Variants in TENM3 observed in about 807,000 individuals in gnomAD.
TENM3 encodes the protein teneurin transmembrane protein 3, also known as teneurin-3.
TENM3 carries 63 observed loss-of-function variants against 255.1 expected under a neutral mutation model. That is an observed-to-expected ratio of 0.25 (90% CI 0.20 to 0.30). The LOEUF (loss-of-function observed/expected upper bound fraction) is 0.30. Ranked by LOEUF, TENM3 falls within the 10% of genes least tolerant of loss-of-function variation. The pLI is 1.00. For synonymous variants in TENM3, 1,306 were observed against 1,322.3 expected (o/e 0.99, Z 0.27); for missense variants, 2,929 against 3,461.1 (o/e 0.85, Z 3.86).
At chr4:181,464,418 C>T in the TENM3 span, among the ~76,000 whole-genome samples, 6 of 152,128 alleles carry the variant, frequency 3.9e-5, no homozygotes, top group African/African-American at 1.4e-4. Flanking sequence ...AGCATCTTTT[C>T]AGGTGGTTCT....
chr4:181,661,476 G>C, the TENM3 span, among the ~76,000 whole-genome samples: 1 of 152,048 alleles, frequency 6.6e-6, no homozygotes, highest in Non-Finnish European at 1.5e-5. Context: ...GTTCTTAAAG[G>C]CTGTTTTGGT....
the TENM3 span, among the ~76,000 whole-genome samples, chr4:181,585,085 CACTA>C: frequency 6.6e-6 from 1 of 151,256 alleles, no homozygotes; most frequent in Admixed American, 6.6e-5. Flanking sequence ...ATGATGCGAT[CACTA>C]ACTGCCTTTG....
At chr4:182,086,594 G>GT in the TENM3 span, among the ~76,000 whole-genome samples, 3 of 152,002 alleles carry the variant, frequency 2.0e-5, no homozygotes, top group Non-Finnish European at 4.4e-5. Context: ...GTAGGAAGGT[G>GT]TTTTTTTCTT....
the TENM3 span, among the ~76,000 whole-genome samples, chr4:182,029,681 G>A: frequency 1.6e-4 from 24 of 152,044 alleles, no homozygotes; most frequent in African/African-American, 4.8e-4. Context: ...AAAACAAACT[G>A]TTGCTTTATT....
At chr4:182,005,612 A>G in the TENM3 span, among the ~76,000 whole-genome samples, 1 of 152,158 alleles carries the variant, frequency 6.6e-6, no homozygotes, top group African/African-American at 2.4e-5. Context: ...GAAGAATGTC[A>G]ATGGTAGTTT....
At chr4:182,119,399 G>C in the TENM3 span, among the ~76,000 whole-genome samples, 17 of 152,108 alleles carry the variant, frequency 1.1e-4, no homozygotes, top group Admixed American at 9.2e-4. Flanking sequence ...TTATCTCTCA[G>C]ACTTGGCCAC....
At chr4:182,357,586 T>C (rs1047385073) in intron 3 of TENM3, among the ~76,000 whole-genome samples, 1 of 146,680 alleles carries the variant, frequency 6.8e-6, no homozygotes, top group Non-Finnish European at 1.5e-5. Context: ...CTTGTGAATT[T>C]GTTTGAGTTC....
the TENM3 span, among the ~76,000 whole-genome samples, chr4:182,137,457 G>A: frequency 1.8e-4 from 27 of 152,264 alleles, no homozygotes; most frequent in Admixed American, 7.8e-4. Flanking sequence ...TGATGAAAGC[G>A]GTGTTTTGAT....
chr4:182,005,061 T>G, the TENM3 span, among the ~76,000 whole-genome samples: 3 of 152,224 alleles, frequency 2.0e-5, no homozygotes, highest in East Asian at 5.8e-4. Flanking sequence ...GTGCTGAAGC[T>G]CTTTAGTTTA....
the TENM3 span, among the ~76,000 whole-genome samples, chr4:181,955,708 G>C: frequency 1.2e-4 from 19 of 152,160 alleles, no homozygotes; most frequent in African/African-American, 4.1e-4. Context: ...GTTGACGATA[G>C]GGAGCCACTT....
chr4:182,214,377 T>C (rs1755293106), intron 1 of TENM3, among the ~76,000 whole-genome samples: 2 of 152,174 alleles, frequency 1.3e-5, no homozygotes, highest in African/African-American at 4.8e-5. Flanking sequence ...TTGGAAATCT[T>C]GAAAAGTTGA....
intron 4 of TENM3, 102 bp from the exon 5 acceptor site, chr4:182,628,545 AAGAG>A (rs994375240): frequency 1.2e-4 from 83 of 703,838 alleles, no homozygotes; most frequent in Non-Finnish European, 1.8e-4. Context: ...TCTTTTAAAA[AAGAG>A]AGAGAGAGCA....
chr4:182,586,783 A>G (rs936918425), intron 3 of TENM3, among the ~76,000 whole-genome samples: 3 of 152,206 alleles, frequency 2.0e-5, no homozygotes, highest in African/African-American at 7.2e-5. Context: ...ATTTGATTTG[A>G]CTTTGATGTA....
At chr4:182,185,522 A>G (rs1165649232) in intron 1 of TENM3, among the ~76,000 whole-genome samples, 1 of 152,234 alleles carries the variant, frequency 6.6e-6, no homozygotes, top group East Asian at 1.9e-4. Flanking sequence ...TCTTACCTAG[A>G]CAACAAAGGC....
intron 13 of TENM3, among the ~76,000 whole-genome samples, chr4:182,723,519 G>T (rs1179116887): frequency 6.6e-6 from 1 of 152,104 alleles, no homozygotes; most frequent in Non-Finnish European, 1.5e-5. Flanking sequence ...GTAAACCAAG[G>T]TTTTGAAAAA....
intron 2 of TENM3, among the ~76,000 whole-genome samples, chr4:182,340,113 C>T (rs959821929): frequency 1.3e-4 from 20 of 152,174 alleles, no homozygotes; most frequent in African/African-American, 4.6e-4. Flanking sequence ...CCCTGGAGGC[C>T]TCACAAATTT....
the TENM3 span, among the ~76,000 whole-genome samples, chr4:181,877,611 TC>T: frequency 2.6e-5 from 4 of 152,128 alleles, no homozygotes; most frequent in Non-Finnish European, 4.4e-5. Context: ...GCATAGCAGC[TC>T]CATGATGTCA....
At chr4:181,855,097 C>G in the TENM3 span, among the ~76,000 whole-genome samples, 1 of 152,000 alleles carries the variant, frequency 6.6e-6, no homozygotes. Context: ...TGTGAAATAA[C>G]GTTGATGCAA....
chr4:182,193,552 G>A (rs1169712570), intron 1 of TENM3, among the ~76,000 whole-genome samples: 1 of 152,184 alleles, frequency 6.6e-6, no homozygotes, highest in East Asian at 1.9e-4. Context: ...AAAAACAATA[G>A]CGTCCTGGCG....
Sources: allele counts gnomAD v4.1 joint callset (sites outside exome capture counted in the v4.1 genomes callset), GRCh38; gene constraint gnomAD v4.1.1; transcripts MANE v1.5; gene names NCBI Gene and HGNC (gene_info 2026-07-23, HGNC 2026-07-21).